WDR19: variants seen among roughly 807,000 people sequenced by gnomAD.
WDR19 encodes WD repeat domain 19, also known as WD repeat-containing protein 19.
Under a neutral mutation model 180.0 loss-of-function variants are expected in WDR19, and 121 were observed. The ratio of observed to expected loss-of-function variants is 0.67; its 90% CI spans 0.58 to 0.78. The LOEUF (loss-of-function observed/expected upper bound fraction) is 0.78, where lower values mean the gene tolerates loss of function less well. WDR19 is among the 30% of genes least tolerant of loss of function. WDR19 has a pLI of 0.00. For synonymous variants in WDR19, 497 were observed against 540.7 expected, an observed-to-expected ratio of 0.92 and a Z score of 1.12; for missense variants, 1,450 against 1,640.7, an observed-to-expected ratio of 0.88 and a Z score of 2.01.
intron 5 of WDR19, among the ~76,000 whole-genome samples, chr4:39,197,776 T>C (rs1007180332): frequency 2.0e-5 from 3 of 152,248 alleles, no homozygotes; most frequent in African/African-American, 7.2e-5. Flanking sequence ...CAAGTCTTAC[T>C]GAGGTGCATT....
chr4:39,208,132 T>G (rs565976704), intron 9 of WDR19, among the ~76,000 whole-genome samples: 10 of 151,302 alleles, frequency 6.6e-5, no homozygotes, highest in African/African-American at 2.2e-4. Flanking sequence ...AATAGATAAA[T>G]TAAAATGGAA....
At chr4:39,284,550 G>A (rs1560577048) in intron 36 of WDR19, among the ~76,000 whole-genome samples, 1 of 147,636 alleles carries the variant, frequency 6.8e-6, no homozygotes, top group Non-Finnish European at 1.5e-5. Flanking sequence ...TGTTGCCCAG[G>A]CTGGTCTTGA....
chr4:39,206,064 A>G (rs1727920218), intron 9 of WDR19: 1 of 169,144 alleles, frequency 5.9e-6, no homozygotes, highest in African/African-American at 2.4e-5. Context: ...TAGCAGGCAG[A>G]TTGGAAAAGA....
Position 39,246,441 on chromosome 4 carries a change from G to A in WDR19, c.2729+989G>A, listed in dbSNP as rs182584699. On this transcript the variant is annotated intron_variant, in intron 24 of 36. Transcript: ENST00000399820. The stretch of plus-strand genomic sequence containing the variant: ...CCCAGCATGAGCGACGCAGAAGACA[G>A]GTGATTTCTGCATTTCCAACTGAGG... 2.9e-4 allele frequency among the ~76,000 whole-genome samples: 44 copies of A among 152,338 alleles called. No homozygotes were observed. In the East Asian group the frequency reaches 6.8e-3, roughly 23 times the overall value.
intron 31 of WDR19, among the ~76,000 whole-genome samples, chr4:39,271,535 C>T (rs540131216): frequency 2.0e-4 from 31 of 152,234 alleles, no homozygotes; most frequent in Admixed American, 1.0e-3. Context: ...CACCATGGCA[C>T]TCCAGCCTGG....
At chr4:39,196,248 T>A (rs1388651325) in intron 5 of WDR19, among the ~76,000 whole-genome samples, 2 of 152,226 alleles carry the variant, frequency 1.3e-5, no homozygotes, top group Non-Finnish European at 2.9e-5. Flanking sequence ...GGTCTCCTGA[T>A]ATGAAATACT....
At chr4:39,278,008 T>C in intron 34 of WDR19, 123 bp from the exon 35 acceptor site, 1 of 772,910 alleles carries the variant, frequency 1.3e-6, no homozygotes, top group Non-Finnish European at 2.1e-6. Context: ...CAGCCAACAA[T>C]GTGCCACTGC....
At chr4:39,206,984 A>G (rs1437278175) in intron 9 of WDR19, among the ~76,000 whole-genome samples, 2 of 152,220 alleles carry the variant, frequency 1.3e-5, no homozygotes, top group Non-Finnish European at 2.9e-5. Context: ...ATTACTTGAC[A>G]TATGAAGAAT....
intron 21 of WDR19, among the ~76,000 whole-genome samples, chr4:39,241,487 A>G (rs1239577717): frequency 2.9e-5 from 2 of 69,094 alleles, no homozygotes; most frequent in Non-Finnish European, 5.5e-5. Context: ...GAGTGAGACT[A>G]TATCTCAAAA....
At position 39,278,205 on chromosome 4, in the gene WDR19, G is replaced by C. The variant is rs764241905; in HGVS notation, c.3915G>C (p.Lys1305Asn). The C allele has an allele frequency of 1.9e-6, 3 of 1,601,060 alleles. No homozygotes were observed. The highest frequency in any genetic ancestry group is 3.4e-5 in the Admixed American group (2 of 58,052). Residue 1305 changes from lysine (K) to asparagine (N), a missense_variant and splice_region_variant, in exon 35 of 37, where the codon AAG (lysine) becomes AAC (asparagine). By Grantham distance (94) the Lys-to-Asn change is moderately conservative (BLOSUM62 0). Coordinates refer to ENST00000399820, the MANE Select transcript of WDR19 (RefSeq NM_025132.4). ...CDFPALYSELKIMLNTESTCP... is the reference protein window; with the variant it reads ...CDFPALYSELNIMLNTESTCP... Reference sequence around the variant, plus strand: ...TCCCTGCTCTATACTCAGAATTGAAGATGTAAGTGTGCATCACGTCACTCA... The same window carrying C: ...TCCCTGCTCTATACTCAGAATTGAACATGTAAGTGTGCATCACGTCACTCA...
chr4:39,220,787 C>T (rs11730771), intron 14 of WDR19, among the ~76,000 whole-genome samples: 49,405 of 148,968 alleles, frequency 0.33, 8,499 homozygotes, highest in African/African-American at 0.41. Context: ...GGATTACAGG[C>T]GCAAGGCACC....
At chr4:39,240,443 A>G in intron 21 of WDR19, 109 bp downstream of exon 21, 1 of 560,084 alleles carries the variant, frequency 1.8e-6, no homozygotes, top group Non-Finnish European at 2.7e-6. Context: ...CTAGCAGGTG[A>G]GTGTTTTCTT....
intron 14 of WDR19, among the ~76,000 whole-genome samples, chr4:39,223,710 T>C (rs1729944307): frequency 6.6e-6 from 1 of 152,222 alleles, no homozygotes; most frequent in Admixed American, 6.5e-5. Flanking sequence ...CAGGCTTCCA[T>C]TGATCTGTGT....
rs73133643 is a variant in WDR19, at chr4:39,194,760, A to T, written c.406+101A>T. On this transcript the variant is annotated intron_variant, in intron 5 of 36. Transcript: ENST00000399820. ...CCTGATCTTGCAATGGAAATTTTGC[A>T]GTACAAACCCCCTCCCCATGTCCCT... 2,443 of 836,598 alleles carry T rather than the reference A, an allele frequency of 2.9e-3. 40 individuals are homozygous for T. In the African/African-American group the frequency reaches 0.037, roughly 13 times the overall value. 51.8% of individuals were successfully genotyped at this position (836,598 alleles called of 1,614,324 possible). A position where few individuals can be genotyped will look rare whatever the true frequency, so the allele number is the denominator to read the frequency against.
chr4:39,271,267 A>G (rs1735347076), intron 31 of WDR19, among the ~76,000 whole-genome samples: 1 of 152,210 alleles, frequency 6.6e-6, no homozygotes, highest in South Asian at 2.1e-4. Flanking sequence ...ATAGTGTTGT[A>G]TATATTCTTT....
At chr4:39,261,563 G>A (rs1320687419) in intron 28 of WDR19, among the ~76,000 whole-genome samples, 1 of 152,204 alleles carries the variant, frequency 6.6e-6, no homozygotes, top group Non-Finnish European at 1.5e-5. Flanking sequence ...GGTGGCCACA[G>A]GGATGGAATA....
At chr4:39,217,668 C>T (rs1293721959) in intron 13 of WDR19, among the ~76,000 whole-genome samples, 1 of 152,068 alleles carries the variant, frequency 6.6e-6, no homozygotes. Context: ...GATGTTGGCA[C>T]CTGTGAAGAG....
intron 2 of WDR19, 142 bp downstream of exon 2, chr4:39,185,959 G>C (rs1018007261): frequency 3.0e-6 from 2 of 672,612 alleles, no homozygotes; most frequent in Non-Finnish European, 4.7e-6. Flanking sequence ...GCAGTGGCAC[G>C]ATCTCAGCTT....
At chr4:39,194,163 T>A (rs1726470700) in intron 4 of WDR19, among the ~76,000 whole-genome samples, 1 of 152,288 alleles carries the variant, frequency 6.6e-6, no homozygotes, top group Non-Finnish European at 1.5e-5. Flanking sequence ...CCATTTAATA[T>A]GTTATTGGGT....
Sources: gnomAD v4.1 joint callset for allele counts (sites outside exome capture counted in the v4.1 genomes callset) on GRCh38, gnomAD v4.1.1 for gene constraint, MANE v1.5 for transcripts, NCBI Gene and HGNC (gene_info 2026-07-23, HGNC 2026-07-21) for gene names.